CENPP: variants seen among roughly 807,000 people sequenced by gnomAD.
CENPP encodes the protein centromere protein P.
Under a neutral mutation model 35.6 loss-of-function variants are expected in CENPP, and 24 were observed. That is an observed-to-expected ratio of 0.67 (90% CI 0.49 to 0.95). The LOEUF is 0.95. Ranked by LOEUF, CENPP falls within the 40% of genes least tolerant of loss-of-function variation. The probability of loss-of-function intolerance (pLI) is 0.00; values close to 1 mark genes in which losing one functional copy is unlikely to be tolerated. For synonymous variants in CENPP, 120 were observed against 125.5 expected (o/e 0.96, Z 0.29); for missense variants, 332 against 345.3 (o/e 0.96, Z 0.31).
At chr9:92,558,716 C>T (rs939385840) in intron 5 of CENPP, among the ~76,000 whole-genome samples, 3 of 152,094 alleles carry the variant, frequency 2.0e-5, no homozygotes, top group Admixed American at 2.0e-4. Flanking sequence ...ACTATAGGCC[C>T]TTTGTCTTCA....
intron 5 of CENPP, chr9:92,466,206 T>G: frequency 1.6e-6 from 1 of 614,312 alleles, no homozygotes; most frequent in South Asian, 2.1e-5. Context: ...AAACATTTTG[T>G]TGGACATTTT....
chr9:92,428,316 C>A (rs6479421), intron 5 of CENPP, among the ~76,000 whole-genome samples: 135,724 of 152,156 alleles, frequency 0.89, 60,699 homozygotes, highest in East Asian at 0.95. Context: ...CAAGTGTGGC[C>A]GGAGGTCCAT....
At chr9:92,611,076 G>C (rs1020832078) in intron 5 of CENPP, 11 of 591,534 alleles carry the variant, frequency 1.9e-5, no homozygotes, top group Non-Finnish European at 3.0e-5. Context: ...GGGAGGTTAT[G>C]TACAATGTTC....
At chr9:92,592,384 G>A (rs979255080) in intron 5 of CENPP, among the ~76,000 whole-genome samples, 1 of 152,092 alleles carries the variant, frequency 6.6e-6, no homozygotes, top group Non-Finnish European at 1.5e-5. Context: ...GTATGAAATC[G>A]GGCCATGCCT....
At chr9:92,358,304 G>A (rs769800657) in intron 4 of CENPP, among the ~76,000 whole-genome samples, 22 of 151,542 alleles carry the variant, frequency 1.5e-4, no homozygotes, top group East Asian at 3.9e-4. Flanking sequence ...GTACAGTGGC[G>A]CAATCTCAGC....
At chr9:92,395,505 C>A (rs1001637756) in intron 5 of CENPP, among the ~76,000 whole-genome samples, 1 of 152,128 alleles carries the variant, frequency 6.6e-6, no homozygotes, top group Non-Finnish European at 1.5e-5. Flanking sequence ...TTAATGCTTT[C>A]ATTTCTCTTG....
chr9:92,416,574 G>C, intron 5 of CENPP: 1 of 1,178,794 alleles, frequency 8.5e-7, no homozygotes, highest in Non-Finnish European at 1.2e-6. Context: ...AAAAGATCAG[G>C]ATTCCATTCT....
chr9:92,334,877 CA>C (rs950769210), intron 2 of CENPP, among the ~76,000 whole-genome samples: 2 of 147,078 alleles, frequency 1.4e-5, no homozygotes, highest in African/African-American at 2.5e-5. Flanking sequence ...GACCCTGTCT[CA>C]AAAAAAACCA....
At chr9:92,421,289 C>T (rs918115954) in intron 5 of CENPP, among the ~76,000 whole-genome samples, 3 of 152,202 alleles carry the variant, frequency 2.0e-5, no homozygotes, top group East Asian at 1.9e-4. Flanking sequence ...GTCTGCCCCC[C>T]TCAGCCTCCC....
intron 5 of CENPP, among the ~76,000 whole-genome samples, chr9:92,594,298 G>T (rs1026075293): frequency 2.0e-5 from 3 of 152,168 alleles, no homozygotes; most frequent in African/African-American, 4.8e-5. Context: ...GGGATCACGG[G>T]GAACCTAAAA....
chr9:92,367,138 C>T (rs964981839), intron 4 of CENPP, among the ~76,000 whole-genome samples: 1 of 152,086 alleles, frequency 6.6e-6, no homozygotes, highest in Non-Finnish European at 1.5e-5. Flanking sequence ...AGGCAGATAA[C>T]TGTGGAGGAA....
intron 5 of CENPP, among the ~76,000 whole-genome samples, chr9:92,408,906 G>T (rs1843375857): frequency 6.6e-6 from 1 of 152,018 alleles, no homozygotes; most frequent in African/African-American, 2.4e-5. Flanking sequence ...CTGTGGTTTG[G>T]ATCTCCGTCT....
intron 4 of CENPP, among the ~76,000 whole-genome samples, chr9:92,354,000 T>G (rs946453865): frequency 1.3e-5 from 2 of 152,246 alleles, no homozygotes; most frequent in African/African-American, 2.4e-5. Flanking sequence ...TCAATCCAGC[T>G]GCTTCAGGAT....
At chr9:92,563,760 C>T (rs528569115) in intron 5 of CENPP, among the ~76,000 whole-genome samples, 3 of 149,344 alleles carry the variant, frequency 2.0e-5, no homozygotes, top group Non-Finnish European at 3.0e-5. Flanking sequence ...CTCCCTCCCC[C>T]TCTTCCTCCC....
At chr9:92,390,403 T>A (rs1032390723) in intron 5 of CENPP, among the ~76,000 whole-genome samples, 1 of 152,258 alleles carries the variant, frequency 6.6e-6, no homozygotes, top group African/African-American at 2.4e-5. Flanking sequence ...TACATTTGAT[T>A]GGAATCATGT....
At chr9:92,340,934 G>A (rs1032281949) in intron 3 of CENPP, among the ~76,000 whole-genome samples, 10 of 152,124 alleles carry the variant, frequency 6.6e-5, no homozygotes, top group African/African-American at 1.4e-4. Flanking sequence ...CTGGTGAGCC[G>A]GGCGGAACAG....
At chr9:92,381,986 T>A (rs979925623) in intron 5 of CENPP, among the ~76,000 whole-genome samples, 14 of 151,764 alleles carry the variant, frequency 9.2e-5, no homozygotes, top group African/African-American at 3.4e-4. Flanking sequence ...TAATGGTTAG[T>A]GATGTTAAAT....
chr9:92,555,003 TTTGTTGTTGTTG>T lies in CENPP; in HGVS notation c.565-56285_565-56274del, dbSNP rs57027847. ...CCATCAAGGATATCGGTCTGTATTG[TTTGTTGTTGTTG>T]TTGTTGTTGTTGTTGTTGTTGTTGT... On this transcript the variant is annotated intron_variant, in intron 5 of 7. Transcript: ENST00000375587. Among the ~76,000 whole-genome samples the T allele has an allele frequency of 5.0e-4, 75 of 149,826 alleles. No homozygotes were observed. In the East Asian group the frequency reaches 0.013, roughly 27 times the overall value.
intron 6 of CENPP, 63 bp downstream of exon 6, chr9:92,611,456 A>G (rs1251908897): frequency 3.8e-6 from 5 of 1,312,144 alleles, no homozygotes; most frequent in Non-Finnish European, 5.4e-6. Flanking sequence ...CAAGTAGGAG[A>G]CCACCTAAGT....
Sources: gnomAD v4.1 joint callset for allele counts (sites outside exome capture counted in the v4.1 genomes callset) on GRCh38, gnomAD v4.1.1 for gene constraint, MANE v1.5 for transcripts, NCBI Gene and HGNC (gene_info 2026-07-23, HGNC 2026-07-21) for gene names.